TSPAN15: variants seen among roughly 807,000 people sequenced by gnomAD.
TSPAN15 encodes tetraspanin 15, also known as tetraspanin-15.
A neutral mutation model predicts 34.5 loss-of-function variants in TSPAN15; 20 were observed. That is an observed-to-expected ratio of 0.58 (90% CI 0.41 to 0.84). The LOEUF is 0.84. Ranked by LOEUF, TSPAN15 falls within the 40% of genes least tolerant of loss-of-function variation. TSPAN15 has a pLI of 0.00. For missense variants in TSPAN15, 313 were observed against 386.1 expected, an observed-to-expected ratio of 0.81 and a Z score of 1.59; for synonymous variants, 155 against 153.9, an observed-to-expected ratio of 1.01 and a Z score of -0.05.
chr10:69,498,434 G>A (rs1410776900), intron 5 of TSPAN15, 38 bp downstream of exon 5: 1 of 1,549,932 alleles, frequency 6.5e-7, no homozygotes, highest in African/African-American at 1.4e-5. Flanking sequence ...GGGCTGTCGG[G>A]GACCCCAGGT....
chr10:69,481,312 G>C (rs112550928), intron 1 of TSPAN15, among the ~76,000 whole-genome samples: 12 of 152,200 alleles, frequency 7.9e-5, no homozygotes, highest in African/African-American at 2.9e-4. Context: ...CTTCTAGACT[G>C]GGGGGAAAGG....
At chr10:69,454,479 C>T (rs1442672488) in intron 1 of TSPAN15, among the ~76,000 whole-genome samples, 1 of 151,894 alleles carries the variant, frequency 6.6e-6, no homozygotes, top group East Asian at 1.9e-4. Flanking sequence ...CATCGTGCCA[C>T]GGCACTGTAG....
chr10:69,466,412 TG>T (rs1841386114), intron 1 of TSPAN15, among the ~76,000 whole-genome samples: 1 of 152,084 alleles, frequency 6.6e-6, no homozygotes, highest in African/African-American at 2.4e-5. Flanking sequence ...GTGCACAAGA[TG>T]ATTGTAGCTG....
At chr10:69,480,067 C>T (rs184012956) in intron 1 of TSPAN15, among the ~76,000 whole-genome samples, 4 of 152,290 alleles carry the variant, frequency 2.6e-5, no homozygotes, top group Admixed American at 2.0e-4. Context: ...TTGTTTTCTG[C>T]CAGCAAGGGT....
the TSPAN15 span, among the ~76,000 whole-genome samples, chr10:69,531,039 G>A: frequency 6.9e-6 from 1 of 144,678 alleles, no homozygotes; most frequent in Non-Finnish European, 1.5e-5. Flanking sequence ...TAACTAGACA[G>A]GATTAAAGCT....
the TSPAN15 span, among the ~76,000 whole-genome samples, chr10:69,523,856 T>G: frequency 1.4e-5 from 2 of 148,094 alleles, no homozygotes; most frequent in Non-Finnish European, 3.0e-5. Flanking sequence ...CCAACTTTAT[T>G]CCTCTTTGCC....
At chr10:69,467,777 A>G (rs1162163604) in intron 1 of TSPAN15, among the ~76,000 whole-genome samples, 1 of 152,154 alleles carries the variant, frequency 6.6e-6, no homozygotes, top group Admixed American at 6.6e-5. Flanking sequence ...AGAAAATACT[A>G]AGTTTATGCA....
the TSPAN15 span, among the ~76,000 whole-genome samples, chr10:69,533,450 G>A: frequency 6.6e-6 from 1 of 152,312 alleles, no homozygotes; most frequent in Non-Finnish European, 1.5e-5. Flanking sequence ...TCACTGACAT[G>A]TGGGAGCCAA....
chr10:69,541,382 CATTT>C, the TSPAN15 span, among the ~76,000 whole-genome samples: 29,556 of 152,062 alleles, frequency 0.19, 3,092 homozygotes, highest in East Asian at 0.29. Context: ...TACATACAGG[CATTT>C]GGTACAGGCA....
At chr10:69,480,175 T>C (rs117731119) in intron 1 of TSPAN15, among the ~76,000 whole-genome samples, 337 of 152,160 alleles carry the variant, frequency 2.2e-3, no homozygotes, top group Non-Finnish European at 3.7e-3. Context: ...CTGCTCAGCA[T>C]TGGGGCCAGT....
chr10:69,455,592 CTTTCTT>C (rs1564595566), intron 1 of TSPAN15, among the ~76,000 whole-genome samples: 3,222 of 120,008 alleles, frequency 0.027, 106 homozygotes, highest in Non-Finnish European at 0.036. Flanking sequence ...CTTTCTTTCT[CTTTCTT>C]TCTTTCTTTC....
chr10:69,543,488 A>G, the TSPAN15 span, among the ~76,000 whole-genome samples: 2 of 152,190 alleles, frequency 1.3e-5, no homozygotes, highest in Non-Finnish European at 2.9e-5. Flanking sequence ...ACAGCAGTCC[A>G]AGGGGACTAC....
At chr10:69,516,521 G>A in the TSPAN15 span, among the ~76,000 whole-genome samples, 6 of 152,196 alleles carry the variant, frequency 3.9e-5, no homozygotes, top group Non-Finnish European at 8.8e-5. Flanking sequence ...CCATGACTTA[G>A]ATGCCAGAAT....
the TSPAN15 span, among the ~76,000 whole-genome samples, chr10:69,545,166 T>A: frequency 6.6e-6 from 1 of 152,292 alleles, no homozygotes; most frequent in East Asian, 1.9e-4. Context: ...GGCACAGTGC[T>A]AGTCCTCACT....
At chr10:69,513,773 A>G in the TSPAN15 span, among the ~76,000 whole-genome samples, 1 of 152,268 alleles carries the variant, frequency 6.6e-6, no homozygotes, top group African/African-American at 2.4e-5. Flanking sequence ...CAAAGTACGC[A>G]TCAAAGTTAA....
At position 69,462,978 on chromosome 10, in the gene TSPAN15, A is replaced by T. The variant is rs184718188; in HGVS notation, c.96+11288A>T. On this transcript the variant is annotated intron_variant, in intron 1 of 7. Transcript: ENST00000373290. ...GTATGTGGAGACCACTGGCCTGGGAATGTGGGAGACTATGGGAGCTGGCTT... is the reference window on the plus strand; with the variant it reads ...GTATGTGGAGACCACTGGCCTGGGATTGTGGGAGACTATGGGAGCTGGCTT... 2.3e-3 allele frequency among the ~76,000 whole-genome samples: 350 copies of T among 152,222 alleles called. 1 individual carries two copies. The highest frequency in any genetic ancestry group is 7.9e-3 in the African/African-American group (328 of 41,540).
At position 69,466,210 on chromosome 10, in the gene TSPAN15, G is replaced by A. The variant is rs561732439; in HGVS notation, c.96+14520G>A. ...CCAGGGCGTGAGAAGTCTTGTTCCTGATGAGGGAGGGTGGCCTGTGGTGTG... is the reference window on the plus strand; with the variant it reads ...CCAGGGCGTGAGAAGTCTTGTTCCTAATGAGGGAGGGTGGCCTGTGGTGTG... On this transcript the variant is annotated intron_variant, in intron 1 of 7. Coordinates refer to ENST00000373290, the MANE Select transcript of TSPAN15 (RefSeq NM_012339.5). Among the ~76,000 whole-genome samples, 644 of 152,366 alleles carry A rather than the reference G, an allele frequency of 4.2e-3. 3 individuals are homozygous for A. Among genetic ancestry groups the A allele is most frequent in the Non-Finnish European group, 7.8e-3 (532 of 68,034 alleles).
chr10:69,522,405 G>A, the TSPAN15 span, among the ~76,000 whole-genome samples: 1 of 139,008 alleles, frequency 7.2e-6, no homozygotes, highest in Non-Finnish European at 1.5e-5. Flanking sequence ...AAAAAAGAAG[G>A]TCAATTTAAG....
In TSPAN15 at chr10:69,462,627, G is replaced by A. The variant is rs962572773; in HGVS notation, c.96+10937G>A. On this transcript the variant is annotated intron_variant, in intron 1 of 7. Transcript: ENST00000373290. ...TGGGATTACAGGCATGAGCCACCGC[G>A]CCTGGCCCTACCTGTGATTTTTAAA... Among the ~76,000 whole-genome samples, 32 of 152,264 alleles carry A rather than the reference G, an allele frequency of 2.1e-4. No individual in the cohort carries two copies. The East Asian group carries it at 3.5e-3, about 17-fold the overall frequency.
Sources: gnomAD v4.1 joint callset for allele counts (sites outside exome capture counted in the v4.1 genomes callset) on GRCh38, gnomAD v4.1.1 for gene constraint, MANE v1.5 for transcripts, NCBI Gene and HGNC (gene_info 2026-07-23, HGNC 2026-07-21) for gene names.